Variants in SLC1A2 observed in about 807,000 individuals in gnomAD.
The protein encoded by SLC1A2 is solute carrier family 1 member 2, also known as excitatory amino acid transporter 2.
In SLC1A2, 15 loss-of-function variants were observed where a neutral mutation model predicts 48.8. That is an observed-to-expected ratio of 0.31 (90% CI 0.21 to 0.47). The LOEUF is 0.47. SLC1A2 is among the 20% of genes least tolerant of loss of function. The pLI is 0.99. For synonymous variants in SLC1A2, 279 were observed against 272.6 expected (o/e 1.02, Z -0.23); for missense variants, 502 against 730.5 (o/e 0.69, Z 3.61).
chr11:35,292,780 G>A (rs938806805), intron 6 of SLC1A2, among the ~76,000 whole-genome samples: 9 of 152,146 alleles, frequency 5.9e-5, no homozygotes, highest in African/African-American at 1.9e-4. Context: ...GAATAAAGGA[G>A]AGACATGCAT....
At chr11:35,333,970 C>A (rs543867099) in intron 1 of SLC1A2, among the ~76,000 whole-genome samples, 8 of 152,038 alleles carry the variant, frequency 5.3e-5, no homozygotes, top group Admixed American at 6.5e-5. Flanking sequence ...CAAGCCACTG[C>A]TCATTTAAGT....
intron 1 of SLC1A2, among the ~76,000 whole-genome samples, chr11:35,416,881 C>A (rs536012940): frequency 6.6e-6 from 1 of 152,320 alleles, no homozygotes; most frequent in South Asian, 2.1e-4. Flanking sequence ...AAATCCTTGA[C>A]TGGATGGAGC....
intron 1 of SLC1A2, among the ~76,000 whole-genome samples, chr11:35,408,161 T>C (rs1431217573): frequency 6.6e-6 from 1 of 152,228 alleles, no homozygotes; most frequent in African/African-American, 2.4e-5. Flanking sequence ...CTACTTGCAC[T>C]TGGTCACCAA....
intron 1 of SLC1A2, among the ~76,000 whole-genome samples, chr11:35,351,439 G>T (rs1428373446): frequency 6.6e-6 from 1 of 152,120 alleles, no homozygotes; most frequent in Non-Finnish European, 1.5e-5. Context: ...TGACATGGAC[G>T]TGTGTTCTCC....
At chr11:35,271,471 CA>C (rs1850277885) in intron 9 of SLC1A2, among the ~76,000 whole-genome samples, 1 of 152,062 alleles carries the variant, frequency 6.6e-6, no homozygotes. Flanking sequence ...TAAGAGCCTG[CA>C]AAAGTTAAAG....
At chr11:35,362,271 T>C (rs1226569962) in intron 1 of SLC1A2, among the ~76,000 whole-genome samples, 3 of 152,216 alleles carry the variant, frequency 2.0e-5, no homozygotes, top group East Asian at 1.9e-4. Context: ...GGCTCTTTCA[T>C]AGCTGTCTCT....
chr11:35,399,583 C>T, intron 1 of SLC1A2: 1 of 983,640 alleles, frequency 1.0e-6, no homozygotes. Context: ...ACCTGGTAAT[C>T]ATGATGCCTG....
chr11:35,398,237 T>C (rs1855030756), intron 1 of SLC1A2, among the ~76,000 whole-genome samples: 1 of 151,968 alleles, frequency 6.6e-6, no homozygotes. Context: ...AGAAAAAAAA[T>C]ATGATCTGAC....
intron 1 of SLC1A2, among the ~76,000 whole-genome samples, chr11:35,356,544 A>G (rs1012461006): frequency 1.4e-4 from 21 of 152,212 alleles, no homozygotes; most frequent in African/African-American, 5.1e-4. Context: ...GCATTCCAAG[A>G]CACCTACTTT....
intron 1 of SLC1A2, among the ~76,000 whole-genome samples, chr11:35,384,314 C>A (rs532001177): frequency 6.6e-6 from 1 of 152,258 alleles, no homozygotes; most frequent in East Asian, 1.9e-4. Flanking sequence ...ACTGAAAGTA[C>A]AGATCCCATG....
intron 1 of SLC1A2, among the ~76,000 whole-genome samples, chr11:35,382,188 G>A (rs1056839920): frequency 6.6e-6 from 1 of 152,220 alleles, no homozygotes; most frequent in African/African-American, 2.4e-5. Context: ...CTGCATTGCT[G>A]TCTCTTCACT....
intron 1 of SLC1A2, among the ~76,000 whole-genome samples, chr11:35,351,258 T>C (rs1853241145): frequency 6.6e-6 from 1 of 152,244 alleles, no homozygotes; most frequent in Non-Finnish European, 1.5e-5. Context: ...AATGCTTTAC[T>C]TACGAGCCCA....
chr11:35,349,872 G>A (rs1853179505), intron 1 of SLC1A2, among the ~76,000 whole-genome samples: 1 of 152,102 alleles, frequency 6.6e-6, no homozygotes, highest in African/African-American at 2.4e-5. Flanking sequence ...TTGTACTTAT[G>A]TTTTCCAGCA....
chr11:35,403,902 A>G (rs4755401), intron 1 of SLC1A2, among the ~76,000 whole-genome samples: 1 of 36,606 alleles, frequency 2.7e-5, no homozygotes, highest in African/African-American at 7.1e-5. Context: ...GAACATCTTC[A>G]TCTTGCTGGC....
At chr11:35,318,166 A>G (rs1374833625) in intron 1 of SLC1A2, among the ~76,000 whole-genome samples, 1 of 152,258 alleles carries the variant, frequency 6.6e-6, no homozygotes, top group Non-Finnish European at 1.5e-5. Flanking sequence ...TCCAAGAAGT[A>G]TGGCTTTAAG....
chr11:35,350,643 A>G (rs1853216973), intron 1 of SLC1A2, among the ~76,000 whole-genome samples: 2 of 152,228 alleles, frequency 1.3e-5, no homozygotes, highest in Non-Finnish European at 2.9e-5. Context: ...ACACAGCAAG[A>G]TAAGATTTTA....
chr11:35,407,487 T>C (rs1855334548), intron 1 of SLC1A2, among the ~76,000 whole-genome samples: 1 of 152,190 alleles, frequency 6.6e-6, no homozygotes, highest in African/African-American at 2.4e-5. Flanking sequence ...ACCCAACATA[T>C]AATCCTGCTC....
intron 1 of SLC1A2, among the ~76,000 whole-genome samples, chr11:35,363,768 G>A (rs996137232): frequency 2.0e-5 from 3 of 152,208 alleles, no homozygotes; most frequent in African/African-American, 4.8e-5. Flanking sequence ...AAAGAAAGAA[G>A]GAAGAAAATG....
chr11:35,355,793 G>A (rs1361864860), intron 1 of SLC1A2, among the ~76,000 whole-genome samples: 2 of 151,602 alleles, frequency 1.3e-5, no homozygotes, highest in African/African-American at 2.4e-5. Context: ...GCTGAGGCAG[G>A]AGAATCACTT....
Sources: allele counts gnomAD v4.1 joint callset (sites outside exome capture counted in the v4.1 genomes callset), GRCh38; gene constraint gnomAD v4.1.1; transcripts MANE v1.5; gene names NCBI Gene and HGNC (gene_info 2026-07-23, HGNC 2026-07-21).